Variants in USP6NL observed in about 807,000 individuals in gnomAD.
The protein encoded by USP6NL is USP6 N-terminal like.
In USP6NL, 26 loss-of-function variants were observed where a neutral mutation model predicts 61.9. The observed-to-expected ratio is 0.42, with a 90% CI of 0.31 to 0.58. USP6NL has a LOEUF of 0.58. USP6NL is among the 20% of genes least tolerant of loss of function. The pLI, the probability that USP6NL is intolerant of heterozygous loss-of-function variation, is 0.16. For missense variants in USP6NL, 1,114 were observed against 1,034.3 expected (o/e 1.08, Z -1.06); for synonymous variants, 432 against 390.1 (o/e 1.11, Z -1.27).
chr10:11,486,559 A>G (rs561642016), intron 10 of USP6NL, among the ~76,000 whole-genome samples: 1 of 152,158 alleles, frequency 6.6e-6, no homozygotes, highest in African/African-American at 2.4e-5. Context: ...TGAACTTTAC[A>G]TCTATTTTTC....
At chr10:11,467,875 G>C (rs1832541982) in intron 14 of USP6NL, among the ~76,000 whole-genome samples, 1 of 152,194 alleles carries the variant, frequency 6.6e-6, no homozygotes, top group Admixed American at 6.5e-5. Context: ...AAGTTTAAAA[G>C]CACAGAATAC....
intron 1 of USP6NL, among the ~76,000 whole-genome samples, chr10:11,609,840 C>T (rs1189741619): frequency 1.3e-5 from 2 of 152,234 alleles, no homozygotes; most frequent in Non-Finnish European, 2.9e-5. Flanking sequence ...AAATCTGACA[C>T]TTTCACTTAC....
chr10:11,501,142 CAAG>C lies in USP6NL; in HGVS notation c.340_342del (p.Leu114del). On this transcript the variant is annotated inframe_deletion, in exon 7 of 15. Transcript: ENST00000609104. ...GTTTCTTCTTTCATTTTAGGGATCT[CAAG>C]AAGGAGGGCCCAGACTTCACCTCTG... 6.2e-7 allele frequency: 1 copy of C among 1,613,252 alleles called. No individual in the cohort carries two copies. The highest frequency in any genetic ancestry group is 8.5e-7 in the Non-Finnish European group (1 of 1,179,636).
intron 2 of USP6NL, 68 bp from the exon 3 acceptor site, chr10:11,527,635 A>C: frequency 7.2e-7 from 1 of 1,379,706 alleles, no homozygotes; most frequent in Non-Finnish European, 1.0e-6. Flanking sequence ...TAATTATGAA[A>C]CTAAGACATA....
chr10:11,607,067 G>A (rs916680783), intron 1 of USP6NL, among the ~76,000 whole-genome samples: 1 of 152,086 alleles, frequency 6.6e-6, no homozygotes, highest in Non-Finnish European at 1.5e-5. Context: ...GGGCTTATAG[G>A]AGTGAGCTAT....
At chr10:11,469,602 T>C (rs958221256) in intron 14 of USP6NL, among the ~76,000 whole-genome samples, 1 of 152,042 alleles carries the variant, frequency 6.6e-6, no homozygotes, top group Non-Finnish European at 1.5e-5. Context: ...TCTGCAGAGA[T>C]TTTCAATAAG....
Position 11,540,697 on chromosome 10 carries a change from C to T in USP6NL, c.5-13130G>A, listed in dbSNP as rs923638560. Among the ~76,000 whole-genome samples the T allele has an allele frequency of 3.9e-5, 6 of 152,132 alleles. No individual in the cohort carries two copies. Among genetic ancestry groups the T allele is most frequent in the African/African-American group, 9.7e-5 (4 of 41,412 alleles). On this transcript the variant is annotated intron_variant, in intron 2 of 14. Coordinates refer to ENST00000609104, the MANE Select transcript of USP6NL (RefSeq NM_014688.5). The surrounding 1 kb of genome is among the most constrained non-coding windows in gnomAD (Gnocchi z 5.0). ...TAACTAATTCCACAGGCAGTGGTAA[C>T]GATCAACCCAATGGTAACATTTCTA... is the stretch of plus-strand genomic sequence containing the variant.
intron 2 of USP6NL, among the ~76,000 whole-genome samples, chr10:11,594,288 T>C (rs975815884): frequency 6.6e-6 from 1 of 152,172 alleles, no homozygotes; most frequent in Non-Finnish European, 1.5e-5. Context: ...AAAAGAAATG[T>C]AACTCAGTCT....
At chr10:11,551,153 CATTT>C (rs767437897) in intron 2 of USP6NL, among the ~76,000 whole-genome samples, 1 of 152,130 alleles carries the variant, frequency 6.6e-6, no homozygotes, top group African/African-American at 2.4e-5. Context: ...GAAACAAAAA[CATTT>C]ATTTATAAAA....
In USP6NL at chr10:11,463,440, T is replaced by C. The variant is rs2096226296; in HGVS notation, c.1488A>G (p.Thr496=). 1 of 1,613,972 alleles carries C rather than the reference T, an allele frequency of 6.2e-7. No homozygotes were observed. Among genetic ancestry groups the C allele is most frequent in the African/African-American group, 1.3e-5 (1 of 74,940 alleles). ...KWNKPSDVSA[T]ERTAKYTMEG... Reference sequence around the variant, plus strand: ...CCATGGTGTATTTGGCAGTTCTCTCTGTAGCTGAGACGTCTGACGGTTTAT... The same window carrying C: ...CCATGGTGTATTTGGCAGTTCTCTCCGTAGCTGAGACGTCTGACGGTTTAT... Residue 496 remains threonine (T), a synonymous_variant, in exon 15 of 15, where the codon ACA becomes ACG. Transcript: ENST00000609104. This position sits in a 1 kb window ranked among gnomAD's most constrained non-coding sequence, Gnocchi z 6.3.
intron 2 of USP6NL, among the ~76,000 whole-genome samples, chr10:11,538,029 C>T (rs1835902378): frequency 6.6e-6 from 1 of 152,200 alleles, no homozygotes. Flanking sequence ...ATATTTTATA[C>T]ATAGAGCACC....
chr10:11,571,577 A>T (rs1333278152), intron 2 of USP6NL, among the ~76,000 whole-genome samples: 4 of 152,108 alleles, frequency 2.6e-5, no homozygotes, highest in Non-Finnish European at 4.4e-5. Flanking sequence ...TATTAATATG[A>T]ATACAATACT....
At chr10:11,536,706 C>T (rs140227997) in intron 2 of USP6NL, among the ~76,000 whole-genome samples, 218 of 152,212 alleles carry the variant, frequency 1.4e-3, no homozygotes, top group Non-Finnish European at 2.8e-3. Flanking sequence ...GTTGACAATC[C>T]AATCCTATAC....
intron 2 of USP6NL, among the ~76,000 whole-genome samples, chr10:11,588,590 GAGAAGAGACACACACTAATGAAAGA>G (rs1461706905): frequency 6.6e-6 from 1 of 152,140 alleles, no homozygotes; most frequent in Non-Finnish European, 1.5e-5. Context: ...TTCATCTGCT[GAGAAGAGACACACACTAATGAAAGA>G]AAAAAAATAA....
chr10:11,471,053 C>T (rs1417207537), intron 14 of USP6NL, among the ~76,000 whole-genome samples: 3 of 152,146 alleles, frequency 2.0e-5, no homozygotes, highest in Non-Finnish European at 2.9e-5. Flanking sequence ...GGCGTGGTGG[C>T]AGGCACCTGT....
intron 2 of USP6NL, among the ~76,000 whole-genome samples, chr10:11,559,314 C>G (rs1836833995): frequency 6.6e-6 from 1 of 152,112 alleles, no homozygotes; most frequent in South Asian, 2.1e-4. Flanking sequence ...GTTATATAAA[C>G]AGAAAAATTA....
At chr10:11,498,983 G>C (rs566737447) in intron 7 of USP6NL, among the ~76,000 whole-genome samples, 8 of 152,228 alleles carry the variant, frequency 5.3e-5, no homozygotes, top group Middle Eastern at 3.4e-3. Flanking sequence ...ATCTTCATAC[G>C]TTCTTCAATA....
rs76943783 is a variant in USP6NL, at chr10:11,575,904, G to A, written c.4+21727C>T. On this transcript the variant is annotated intron_variant, in intron 2 of 14. Transcript: ENST00000609104. This position sits in a 1 kb window ranked among gnomAD's most constrained non-coding sequence, Gnocchi z 4.2. ...CAGATTAGATAGTAGGCCAAAAAGGGTGAGGGGAAATACGGGACATTTTGG... is the reference window on the plus strand; with the variant it reads ...CAGATTAGATAGTAGGCCAAAAAGGATGAGGGGAAATACGGGACATTTTGG... Among the ~76,000 whole-genome samples the A allele has an allele frequency of 6.6e-5, 10 of 152,300 alleles. No individual in the cohort carries two copies. The highest frequency in any genetic ancestry group is 5.2e-4 in the Admixed American group (8 of 15,298).
intron 2 of USP6NL, among the ~76,000 whole-genome samples, chr10:11,542,752 G>T (rs935944557): frequency 6.6e-6 from 1 of 152,036 alleles, no homozygotes. Flanking sequence ...AAGCATGGTA[G>T]AAACTCACCA....
Sources: gnomAD v4.1 joint callset for allele counts (sites outside exome capture counted in the v4.1 genomes callset) on GRCh38, gnomAD v4.1.1 for gene constraint, Gnocchi (gnomAD v3.1) non-coding constraint, MANE v1.5 for transcripts, NCBI Gene and HGNC (gene_info 2026-07-23, HGNC 2026-07-21) for gene names.